Variants in CDK6 observed in about 807,000 individuals in gnomAD.
The protein encoded by CDK6 is cyclin-dependent kinase 6.
Under a neutral mutation model 37.1 loss-of-function variants are expected in CDK6, and 6 were observed. The ratio of observed to expected loss-of-function variants is 0.16; its 90% CI spans 0.09 to 0.32. The LOEUF (loss-of-function observed/expected upper bound fraction) is 0.32. Among genes scored for constraint, CDK6 ranks in the 10% least tolerant of loss-of-function variants. The probability of loss-of-function intolerance (pLI) is 1.00; values close to 1 mark genes in which losing one functional copy is unlikely to be tolerated. For missense variants in CDK6, 224 were observed against 418.9 expected (o/e 0.53, Z 4.06); for synonymous variants, 160 against 161.3 (o/e 0.99, Z 0.06).
chr7:92,768,933 G>T (rs1282097699), intron 3 of CDK6, among the ~76,000 whole-genome samples: 3 of 152,154 alleles, frequency 2.0e-5, no homozygotes, highest in Non-Finnish European at 4.4e-5. Flanking sequence ...GGAGTGAGAA[G>T]AGAAGAAGAT....
chr7:92,681,064 T>C (rs1238680373), intron 4 of CDK6, among the ~76,000 whole-genome samples: 2 of 152,210 alleles, frequency 1.3e-5, no homozygotes, highest in African/African-American at 4.8e-5. Context: ...GTGGCAGTGC[T>C]GAAGATGGAT....
In CDK6 at chr7:92,614,129, C is replaced by T. The variant is rs1240951321; in HGVS notation, c.*1011G>A. Reference sequence around the variant, plus strand: ...GTCTCTAGTTAGAGAGAACTACTCTCCAAACCAAAACAGGAAAGAGTTTCT... The same window carrying T: ...GTCTCTAGTTAGAGAGAACTACTCTTCAAACCAAAACAGGAAAGAGTTTCT... On this transcript the variant is annotated 3_prime_UTR_variant, in exon 8 of 8. Coordinates refer to ENST00000424848, the MANE Select transcript of CDK6 (RefSeq NM_001145306.2). 8.6e-6 allele frequency: 2 copies of T among 233,010 alleles called. No individual in the cohort carries two copies. The highest frequency in any genetic ancestry group is 1.7e-5 in the Non-Finnish European group (2 of 118,018). The allele number at this position is 233,010 out of a possible 1,614,324, so 14.4% of individuals were successfully genotyped here.
chr7:92,653,646 C>A (rs1796625911), intron 5 of CDK6, among the ~76,000 whole-genome samples: 1 of 152,182 alleles, frequency 6.6e-6, no homozygotes, highest in African/African-American at 2.4e-5. Flanking sequence ...ACTAATGTCT[C>A]TTTTTAATGA....
chr7:92,606,549 C>T lies in CDK6; in HGVS notation c.*8591G>A, dbSNP rs1795432780. The T allele has an allele frequency of 4.3e-6, 1 of 233,172 alleles. No individual in the cohort carries two copies. The allele number at this position is 233,172 out of a possible 1,614,324, so 14.4% of individuals were successfully genotyped here. Reference sequence around the variant, plus strand: ...GTCATCTTGGGCTGGTTCACACAGCCTAGATGAGTATCTGATATACACAAT... The same window carrying T: ...GTCATCTTGGGCTGGTTCACACAGCTTAGATGAGTATCTGATATACACAAT... On this transcript the variant is annotated 3_prime_UTR_variant, in exon 8 of 8. Coordinates refer to ENST00000424848, the MANE Select transcript of CDK6 (RefSeq NM_001145306.2).
chr7:92,628,351 ACTT>A (rs1585348021), intron 5 of CDK6, among the ~76,000 whole-genome samples: 1 of 141,694 alleles, frequency 7.1e-6, no homozygotes, highest in East Asian at 2.1e-4. Flanking sequence ...TGTTCACCTC[ACTT>A]CTTCATTCCC....
intron 4 of CDK6, among the ~76,000 whole-genome samples, chr7:92,714,790 G>GTT (rs3831550): frequency 6.8e-6 from 1 of 147,482 alleles, no homozygotes; most frequent in East Asian, 2.0e-4. Flanking sequence ...AAGTTTTACA[G>GTT]TTTTTTTTTT....
chr7:92,690,167 C>T (rs1013679614), intron 4 of CDK6, among the ~76,000 whole-genome samples: 6 of 152,074 alleles, frequency 3.9e-5, no homozygotes, highest in African/African-American at 1.4e-4. Flanking sequence ...GTTGCAATTG[C>T]TTTTGGAGTC....
intron 5 of CDK6, among the ~76,000 whole-genome samples, chr7:92,670,868 A>G (rs1371130961): frequency 1.3e-5 from 2 of 152,188 alleles, no homozygotes; most frequent in African/African-American, 4.8e-5. Context: ...TCTTTTTGTA[A>G]TTTCTGTATC....
chr7:92,823,570 A>G (rs935953130), intron 2 of CDK6, among the ~76,000 whole-genome samples: 5 of 151,676 alleles, frequency 3.3e-5, no homozygotes, highest in Non-Finnish European at 5.9e-5. Flanking sequence ...TCTAGCCCCA[A>G]TCTCCAAACC....
chr7:92,650,718 G>C (rs1017075523), intron 5 of CDK6, among the ~76,000 whole-genome samples: 6 of 152,182 alleles, frequency 3.9e-5, no homozygotes, highest in Admixed American at 6.5e-5. Context: ...TTGTAAGACT[G>C]AGGTCCCTGT....
intron 5 of CDK6, among the ~76,000 whole-genome samples, chr7:92,662,100 G>T (rs2116582525): frequency 6.6e-6 from 1 of 152,322 alleles, no homozygotes; most frequent in South Asian, 2.1e-4. Context: ...AGGGATGATG[G>T]ATGAAGTGAG....
chr7:92,826,909 A>C (rs1801332783), intron 2 of CDK6, among the ~76,000 whole-genome samples: 1 of 152,196 alleles, frequency 6.6e-6, no homozygotes, highest in African/African-American at 2.4e-5. Flanking sequence ...ATTTATGGAT[A>C]TAAAATACAC....
At chr7:92,657,775 G>A (rs896726230) in intron 5 of CDK6, among the ~76,000 whole-genome samples, 6 of 152,170 alleles carry the variant, frequency 3.9e-5, no homozygotes, top group African/African-American at 1.2e-4. Flanking sequence ...GAATGCAGTC[G>A]TGTAATCATA....
chr7:92,616,621 T>G (rs1795684731), intron 7 of CDK6, among the ~76,000 whole-genome samples: 1 of 152,216 alleles, frequency 6.6e-6, no homozygotes, highest in African/African-American at 2.4e-5. Context: ...TTCCTGAGCC[T>G]GAGTTCTCTT....
intron 2 of CDK6, among the ~76,000 whole-genome samples, chr7:92,832,063 A>G (rs952279507): frequency 3.3e-5 from 5 of 152,186 alleles, no homozygotes; most frequent in African/African-American, 9.7e-5. Flanking sequence ...TCTGCTACAC[A>G]TTTTCTCAAG....
intron 4 of CDK6, among the ~76,000 whole-genome samples, chr7:92,674,635 C>A (rs1456305161): frequency 6.6e-6 from 1 of 152,188 alleles, no homozygotes; most frequent in Non-Finnish European, 1.5e-5. Context: ...TTCTTTGCTT[C>A]CCTGACACAC....
At chr7:92,824,888 T>C (rs2158134) in intron 2 of CDK6, among the ~76,000 whole-genome samples, 18,263 of 152,094 alleles carry the variant, frequency 0.12, 1,163 homozygotes, top group South Asian at 0.18. Context: ...CCAAGAGACA[T>C]GAGGAATTTA....
chr7:92,732,031 G>A (rs578196713), intron 3 of CDK6, among the ~76,000 whole-genome samples: 1 of 152,210 alleles, frequency 6.6e-6, no homozygotes, highest in Non-Finnish European at 1.5e-5. Flanking sequence ...GACCCAAGTG[G>A]CTATCATTCT....
intron 2 of CDK6, among the ~76,000 whole-genome samples, chr7:92,824,814 A>G (rs1253351300): frequency 6.6e-6 from 1 of 152,112 alleles, no homozygotes; most frequent in East Asian, 1.9e-4. Flanking sequence ...TCATTTGATC[A>G]GAGTAAACCA....
Sources: gnomAD v4.1 joint callset for allele counts (sites outside exome capture counted in the v4.1 genomes callset) on GRCh38, gnomAD v4.1.1 for gene constraint, MANE v1.5 for transcripts, NCBI Gene and HGNC (gene_info 2026-07-23, HGNC 2026-07-21) for gene names.